PTN: variants seen among roughly 807,000 people sequenced by gnomAD.
PTN encodes the protein heparin affin regulatory protein.
Under a neutral mutation model 24.1 loss-of-function variants are expected in PTN, and 18 were observed. That is an observed-to-expected ratio of 0.75 (90% confidence interval 0.52 to 1.11). PTN has a LOEUF of 1.11. Among genes scored for constraint, PTN ranks in the 50% least tolerant of loss-of-function variants. PTN has a pLI of 0.00. For synonymous variants in PTN, 78 were observed against 68.6 expected (o/e 1.14, Z -0.67); for missense variants, 163 against 198.8 (o/e 0.82, Z 1.08).
At chr7:137,303,599 TA>T (rs1426038511) in intron 1 of PTN, among the ~76,000 whole-genome samples, 6 of 152,078 alleles carry the variant, frequency 3.9e-5, no homozygotes, top group Non-Finnish European at 5.9e-5. Flanking sequence ...GTTATTGGCA[TA>T]AAGACAAATA....
chr7:137,322,605 A>G (rs1298538951), intron 1 of PTN, among the ~76,000 whole-genome samples: 1 of 152,210 alleles, frequency 6.6e-6, no homozygotes, highest in Non-Finnish European at 1.5e-5. Context: ...ATTGATATTT[A>G]TTTAGTATAC....
intron 1 of PTN, among the ~76,000 whole-genome samples, chr7:137,308,062 G>C (rs1585038295): frequency 6.6e-6 from 1 of 152,154 alleles, no homozygotes; most frequent in South Asian, 2.1e-4. Context: ...GCCCTACTGA[G>C]AGGCACACCT....
At chr7:137,278,963 TAA>T (rs1809418146) in intron 1 of PTN, among the ~76,000 whole-genome samples, 1 of 145,012 alleles carries the variant, frequency 6.9e-6, no homozygotes, top group South Asian at 2.1e-4. Flanking sequence ...ATAATAATAA[TAA>T]TAATAATAAT....
intron 4 of PTN, among the ~76,000 whole-genome samples, chr7:137,228,516 C>T (rs969079939): frequency 1.3e-5 from 2 of 151,692 alleles, no homozygotes; most frequent in African/African-American, 4.8e-5. Context: ...ATTCCCTTTC[C>T]GTAGGACTCT....
chr7:137,312,292 G>A (rs892425976), intron 1 of PTN, among the ~76,000 whole-genome samples: 11 of 152,170 alleles, frequency 7.2e-5, no homozygotes, highest in African/African-American at 1.7e-4. Context: ...GAATCCATCC[G>A]CGATGCACAT....
chr7:137,327,603 C>T (rs996735123), intron 1 of PTN, among the ~76,000 whole-genome samples: 1 of 152,084 alleles, frequency 6.6e-6, no homozygotes, highest in South Asian at 2.1e-4. Context: ...CAAGACCCGC[C>T]TGGGCAATAT....
At chr7:137,324,431 A>AAAT (rs1562923799) in intron 1 of PTN, among the ~76,000 whole-genome samples, 2 of 63,074 alleles carry the variant, frequency 3.2e-5, no homozygotes, top group East Asian at 4.2e-4. Flanking sequence ...AAAAAAAAAA[A>AAAT]AAATATATAT....
At chr7:137,342,004 C>T (rs1374549480) in intron 1 of PTN, among the ~76,000 whole-genome samples, 1 of 151,996 alleles carries the variant, frequency 6.6e-6, no homozygotes, top group African/African-American at 2.4e-5. Context: ...ATTTTTTAAA[C>T]GACTTGGCCT....
Position 137,227,952 on chromosome 7 carries a change from C to T in PTN, c.*68G>A. ...ATTTTTGAATACAAAGCCTACGGTA[C>T]ATATAAATGCAATAGTTAACTGATC... is the stretch of plus-strand genomic sequence containing the variant. On this transcript the variant is annotated 3_prime_UTR_variant, in exon 5 of 5. Coordinates refer to ENST00000348225, the MANE Select transcript of PTN (RefSeq NM_002825.7). 2.5e-6 allele frequency: 4 copies of T among 1,577,498 alleles called. No homozygotes were observed. The highest frequency in any genetic ancestry group is 2.4e-5 in the South Asian group (2 of 84,526).
At chr7:137,315,470 C>A (rs1183389510) in intron 1 of PTN, among the ~76,000 whole-genome samples, 1 of 152,156 alleles carries the variant, frequency 6.6e-6, no homozygotes, top group Admixed American at 6.5e-5. Context: ...TATTATTGAA[C>A]AGCAAGCACA....
intron 1 of PTN, among the ~76,000 whole-genome samples, chr7:137,339,249 G>C (rs760470876): frequency 6.6e-6 from 1 of 152,006 alleles, no homozygotes; most frequent in Admixed American, 6.6e-5. Flanking sequence ...AATTTCACAA[G>C]TTCACACCAC....
chr7:137,332,793 T>C (rs1810380534), intron 1 of PTN, among the ~76,000 whole-genome samples: 1 of 152,184 alleles, frequency 6.6e-6, no homozygotes, highest in African/African-American at 2.4e-5. Context: ...AACAATCTGA[T>C]GTTCATAAGC....
chr7:137,253,425 T>C (rs1356897584), intron 3 of PTN, 39 bp downstream of exon 3: 12 of 1,515,356 alleles, frequency 7.9e-6, no homozygotes, highest in African/African-American at 2.8e-5. Flanking sequence ...TTGAGAATTA[T>C]CTCAGAGTAG....
chr7:137,302,866 A>G (rs1180625706), intron 1 of PTN, among the ~76,000 whole-genome samples: 1 of 152,018 alleles, frequency 6.6e-6, no homozygotes, highest in Non-Finnish European at 1.5e-5. Flanking sequence ...CTATCAGTTC[A>G]GCTCTGCTTT....
chr7:137,334,599 T>A (rs1463774145), intron 1 of PTN, among the ~76,000 whole-genome samples: 1 of 107,822 alleles, frequency 9.3e-6, no homozygotes, highest in Non-Finnish European at 2.0e-5. Context: ...TTGATGGGAC[T>A]GTAAACTAGT....
chr7:137,271,954 A>T (rs1007732966), intron 1 of PTN, among the ~76,000 whole-genome samples: 1 of 152,182 alleles, frequency 6.6e-6, no homozygotes, highest in Non-Finnish European at 1.5e-5. Flanking sequence ...GCAGACCCAT[A>T]ATATCTTTTC....
chr7:137,269,955 A>G (rs1008179366), intron 1 of PTN, among the ~76,000 whole-genome samples: 4 of 152,088 alleles, frequency 2.6e-5, no homozygotes, highest in Non-Finnish European at 4.4e-5. Context: ...TTATGTGAAG[A>G]TTCAGGAAGT....
In PTN at chr7:137,227,909, T is replaced by A; in HGVS notation, c.*111A>T. 1 of 1,423,762 alleles carries A rather than the reference T, an allele frequency of 7.0e-7. No homozygotes were observed. The highest frequency in any genetic ancestry group is 9.3e-7 in the Non-Finnish European group (1 of 1,070,126). The allele number at this position is 1,423,762 out of a possible 1,614,324, so 88.2% of individuals were successfully genotyped here. A position where few individuals can be genotyped will look rare whatever the true frequency, so the allele number is the denominator to read the frequency against. On this transcript the variant is annotated 3_prime_UTR_variant, in exon 5 of 5. Transcript: ENST00000348225. ...CTTTTCTTTTTGTTTTTGCTTATTG[T>A]GTACTTAGCTATAGATAATTTTTGA...
Position 137,280,743 on chromosome 7 carries a change from G to A in PTN, c.-1-25769C>T, listed in dbSNP as rs557875670. Among the ~76,000 whole-genome samples, 135 of 112,812 alleles carry A rather than the reference G, an allele frequency of 1.2e-3. 1 individual carries two copies. The highest frequency in any genetic ancestry group is 7.5e-3 in the Admixed American group (78 of 10,462). The allele number at this position is 112,812 out of a possible 152,430, so 74.0% of individuals were successfully genotyped here. On this transcript the variant is annotated intron_variant, in intron 1 of 4. Coordinates refer to ENST00000348225, the MANE Select transcript of PTN (RefSeq NM_002825.7). ...AAAAAAAAGCTGAGTGTGGTGGCAC[G>A]TGCCTGTAATCCCAGCTACTTGGGA...
Sources: allele counts gnomAD v4.1 joint callset (sites outside exome capture counted in the v4.1 genomes callset), GRCh38; gene constraint gnomAD v4.1.1; transcripts MANE v1.5; gene names NCBI Gene and HGNC (gene_info 2026-07-23, HGNC 2026-07-21).